The following NFASC variants were observed in gnomAD, a reference collection of about 807,000 sequenced individuals.
The protein encoded by NFASC is neurofascin homolog.
In NFASC, 43 loss-of-function variants were observed where a neutral mutation model predicts 147.5. The ratio of observed to expected loss-of-function variants is 0.29; its 90% CI spans 0.23 to 0.38. The LOEUF (loss-of-function observed/expected upper bound fraction) is 0.38, where lower values mean the gene tolerates loss of function less well. Ranked by LOEUF, NFASC falls within the 10% of genes least tolerant of loss-of-function variation. NFASC has a pLI of 1.00. For missense variants in NFASC, 1,320 were observed against 1,689.0 expected, an observed-to-expected ratio of 0.78 and a Z score of 3.83; for synonymous variants, 622 against 665.5, an observed-to-expected ratio of 0.93 and a Z score of 1.01.
chr1:204,870,408 C>T (rs1015850288), intron 1 of NFASC, among the ~76,000 whole-genome samples: 2 of 152,120 alleles, frequency 1.3e-5, no homozygotes, highest in Non-Finnish European at 2.9e-5. Context: ...ATAAAGGTTA[C>T]ATGACCAGCT....
chr1:204,837,061 C>CT (rs1673988636), intron 1 of NFASC, among the ~76,000 whole-genome samples: 1 of 152,246 alleles, frequency 6.6e-6, no homozygotes, highest in African/African-American at 2.4e-5. Flanking sequence ...GCATGACTGA[C>CT]TTGTGACTGC....
intron 1 of NFASC, among the ~76,000 whole-genome samples, chr1:204,912,662 C>T (rs2087897705): frequency 6.6e-6 from 1 of 151,722 alleles, no homozygotes; most frequent in African/African-American, 2.4e-5. Flanking sequence ...ATGTTCACAC[C>T]ACTGCACTCC....
chr1:204,871,075 GA>G, intron 1 of NFASC: 1 of 1,289,836 alleles, frequency 7.8e-7, no homozygotes, highest in South Asian at 1.2e-5. Flanking sequence ...AGAGAGGTAG[GA>G]TGGTCAACTC....
At chr1:204,853,814 T>C (rs1329790518) in intron 1 of NFASC, among the ~76,000 whole-genome samples, 1 of 152,212 alleles carries the variant, frequency 6.6e-6, no homozygotes, top group Non-Finnish European at 1.5e-5. Context: ...AACACCCCTT[T>C]CTGCCTGCTA....
In NFASC at chr1:205,012,798, A is replaced by G; in HGVS notation, c.3423A>G (p.Val1141=). ...IKRSRGGKYP[V]REKKDVPLGP... ...TCTTTGCTTCTCCTTTTGACCAAGT[A>G]CGAGAAAAGAAGGATGTTCCCCTTG... Residue 1141 remains valine (V), a splice_region_variant and synonymous_variant, in exon 29 of 30, where the codon GTA becomes GTG. Transcript: ENST00000339876. 2 of 1,612,262 alleles carry G rather than the reference A, an allele frequency of 1.2e-6. No homozygotes were observed. The highest frequency in any genetic ancestry group is 1.7e-6 in the Non-Finnish European group (2 of 1,178,292).
intron 1 of NFASC, among the ~76,000 whole-genome samples, chr1:204,830,610 A>ATG (rs1025135139): frequency 1.5e-3 from 215 of 148,198 alleles, no homozygotes; most frequent in African/African-American, 5.0e-3. Context: ...GTGTGTTGTG[A>ATG]TGTGTGTGTG....
intron 1 of NFASC, among the ~76,000 whole-genome samples, chr1:204,855,321 A>T (rs1333868879): frequency 1.3e-5 from 2 of 152,252 alleles, no homozygotes; most frequent in African/African-American, 4.8e-5. Context: ...GAACCAAGAG[A>T]CAGCAATGGG....
chr1:204,970,793 T>C, intron 11 of NFASC, 46 bp downstream of exon 11: 2 of 1,612,498 alleles, frequency 1.2e-6, no homozygotes, highest in Non-Finnish European at 1.7e-6. Flanking sequence ...CTCTCTGCTG[T>C]CAAAGGCTTC....
chr1:204,926,890 A>G (rs1313358953), intron 2 of NFASC, among the ~76,000 whole-genome samples: 2 of 151,968 alleles, frequency 1.3e-5, no homozygotes, highest in Non-Finnish European at 2.9e-5. Flanking sequence ...CCTGGTCAAC[A>G]TGGTGAAACC....
chr1:205,003,183 C>T (rs531519029), intron 27 of NFASC, among the ~76,000 whole-genome samples: 5 of 152,262 alleles, frequency 3.3e-5, no homozygotes, highest in Non-Finnish European at 5.9e-5. Flanking sequence ...ATCTAGAAAT[C>T]GCTCCAGGAG....
In NFASC at chr1:204,979,099, GA is replaced by G; in HGVS notation, c.1978+34del. On this transcript the variant is annotated intron_variant, in intron 18 of 29. Transcript: ENST00000339876. The surrounding 1 kb of genome is among the most constrained non-coding windows in gnomAD (Gnocchi z 6.0). ...CTCAGGGCCTTGCACCCCAAAGCTG[GA>G]AAAGAGGGACGGCAACACCCTTAAA... 6.6e-7 allele frequency: 1 copy of G among 1,518,348 alleles called. No homozygotes were observed. The highest frequency in any genetic ancestry group is 8.9e-7 in the Non-Finnish European group (1 of 1,118,464). The allele number at this position is 1,518,348 out of a possible 1,614,324, so 94.1% of individuals were successfully genotyped here.
chr1:204,944,137 G>T, intron 2 of NFASC, 89 bp from the exon 3 acceptor site: 1 of 1,124,788 alleles, frequency 8.9e-7, no homozygotes, highest in Non-Finnish European at 1.3e-6. Flanking sequence ...GACCAAGGGG[G>T]CTCTTCGGTC....
intron 28 of NFASC, chr1:205,011,027 C>G (rs999267601): frequency 1.3e-5 from 2 of 152,116 alleles, no homozygotes; most frequent in African/African-American, 4.8e-5. Flanking sequence ...AGAGAGCCAT[C>G]TGTCTGTGAT....
intron 1 of NFASC, among the ~76,000 whole-genome samples, chr1:204,847,586 G>A (rs1032110100): frequency 6.6e-6 from 1 of 152,196 alleles, no homozygotes; most frequent in African/African-American, 2.4e-5. Context: ...AAGGCTACCA[G>A]CCTCTTTTCC....
At chr1:204,914,626 G>A (rs1444729336) in intron 1 of NFASC, among the ~76,000 whole-genome samples, 1 of 152,168 alleles carries the variant, frequency 6.6e-6, no homozygotes, top group Admixed American at 6.5e-5. Context: ...TATAGTAAGA[G>A]AACCACAAAG....
rs746779092 is a variant in NFASC, at chr1:204,987,592, A to G, written c.2593+52A>G. 24 of 1,606,234 alleles carry G rather than the reference A, an allele frequency of 1.5e-5. No homozygotes were observed. The Admixed American group carries it at 3.2e-4, about 21-fold the overall frequency. ...AGATAATCTGGGAACCAGAAACCCCATTCTCACCACTTTTCCTAAGGACTC... is the reference window on the plus strand; with the variant it reads ...AGATAATCTGGGAACCAGAAACCCCGTTCTCACCACTTTTCCTAAGGACTC... On this transcript the variant is annotated intron_variant, in intron 22 of 29. Transcript: ENST00000339876. The surrounding 1 kb of genome is among the most constrained non-coding windows in gnomAD (Gnocchi z 4.4).
chr1:204,912,340 T>C (rs1228712063), intron 1 of NFASC, among the ~76,000 whole-genome samples: 1 of 152,106 alleles, frequency 6.6e-6, no homozygotes, highest in African/African-American at 2.4e-5. Flanking sequence ...TTCATTTTTA[T>C]TCAGTTCAAT....
intron 4 of NFASC, 32 bp downstream of exon 4, chr1:204,950,606 G>C: frequency 1.2e-6 from 2 of 1,606,752 alleles, no homozygotes; most frequent in South Asian, 1.1e-5. Flanking sequence ...CTGTGCCTCT[G>C]GGAGTTGGGA....
At chr1:204,911,616 G>A (rs1472975039) in intron 1 of NFASC, among the ~76,000 whole-genome samples, 2 of 152,060 alleles carry the variant, frequency 1.3e-5, no homozygotes, top group Admixed American at 6.6e-5. Flanking sequence ...CACTATCTAT[G>A]TCTGGTTTTG....
Sources: allele counts gnomAD v4.1 joint callset (sites outside exome capture counted in the v4.1 genomes callset), GRCh38; gene constraint gnomAD v4.1.1; non-coding constraint Gnocchi (gnomAD v3.1); transcripts MANE v1.5; gene names NCBI Gene and HGNC (gene_info 2026-07-23, HGNC 2026-07-21).